The following KANK2 variants were observed in gnomAD, a reference collection of about 807,000 sequenced individuals.
KANK2 encodes KN motif and ankyrin repeat domains 2.
A neutral mutation model predicts 74.6 loss-of-function variants in KANK2; 41 were observed. That is an observed-to-expected ratio of 0.55 (90% CI 0.43 to 0.71). The LOEUF (loss-of-function observed/expected upper bound fraction) is 0.71. KANK2 is among the 30% of genes least tolerant of loss of function. KANK2 has a pLI of 0.00. For missense variants in KANK2, 1,148 were observed against 1,196.4 expected, an observed-to-expected ratio of 0.96 and a Z score of 0.60; for synonymous variants, 537 against 519.0, an observed-to-expected ratio of 1.03 and a Z score of -0.47.
At chr19:11,174,753 C>T (rs542745599) in intron 8 of KANK2, 61 bp from the exon 9 acceptor site, 48 of 1,351,686 alleles carry the variant, frequency 3.6e-5, no homozygotes, top group Middle Eastern at 2.5e-4. Context: ...GGACACCCCC[C>T]ACCCCAGATG....
chr19:11,174,719 T>A (rs748619961), intron 8 of KANK2, 27 bp from the exon 9 acceptor site: 3 of 1,550,538 alleles, frequency 1.9e-6, no homozygotes, highest in Non-Finnish European at 2.6e-6. Context: ...TGGGAGAGGA[T>A]GTGAGGGCGG....
In KANK2 at chr19:11,176,765, CGTT is replaced by C. The variant is rs756445498; in HGVS notation, c.1570_1572del (p.Asn524del). The C allele has an allele frequency of 9.4e-6, 15 of 1,599,044 alleles. No individual in the cohort carries two copies. Among genetic ancestry groups the C allele is most frequent in the African/African-American group, 1.3e-5 (1 of 74,630 alleles). On this transcript the variant is annotated inframe_deletion, in exon 7 of 13. Coordinates refer to ENST00000586659, the MANE Select transcript of KANK2 (RefSeq NM_001136191.3). ...TCTGGGGCCTCGTTCTCTGTGCTGTCGTTGTCTGAGATGTTCTCTGCTGTGCTG... is the reference window on the plus strand; with the variant it reads ...TCTGGGGCCTCGTTCTCTGTGCTGTCGTCTGAGATGTTCTCTGCTGTGCTG...
At chr19:11,194,335 G>T in intron 3 of KANK2, 140 bp downstream of exon 3, 1 of 707,740 alleles carries the variant, frequency 1.4e-6, no homozygotes, top group East Asian at 2.7e-5. Flanking sequence ...TCCCAGGGCA[G>T]GACTCTGCCT....
intron 10 of KANK2, among the ~76,000 whole-genome samples, chr19:11,171,747 C>T (rs1291257068): frequency 4.0e-5 from 6 of 151,132 alleles, no homozygotes; most frequent in Admixed American, 6.6e-5. Flanking sequence ...GGTGCGATCT[C>T]GGCTCACTGC....
chr19:11,194,205 TC>T (rs1441478428), intron 3 of KANK2, among the ~76,000 whole-genome samples, 163 bp from the exon 4 acceptor site: 3 of 151,972 alleles, frequency 2.0e-5, no homozygotes, highest in Non-Finnish European at 4.4e-5. Flanking sequence ...GGGCTATGCC[TC>T]CCCTTCAGAC....
intron 4 of KANK2, among the ~76,000 whole-genome samples, chr19:11,187,996 A>G (rs1033381184): frequency 1.3e-5 from 2 of 152,168 alleles, no homozygotes; most frequent in African/African-American, 4.8e-5. Flanking sequence ...AAAAGAACTG[A>G]GGCAGAGTTG....
rs201236788 is a variant in KANK2 at position 11,174,452 on chromosome 19, C to T, written c.2068+21G>A. 4.6e-5 allele frequency: 72 copies of T among 1,579,240 alleles called. No homozygotes were observed. In the East Asian group the frequency reaches 8.6e-4, roughly 19 times the overall value. On this transcript the variant is annotated intron_variant, in intron 9 of 12. Coordinates refer to ENST00000586659, the MANE Select transcript of KANK2 (RefSeq NM_001136191.3). ...ACAGCTGGCTGGTTTAGAGCCGCCTCGTCCTCCCCGCTGGGCTCACCGCTG... is the reference window on the plus strand; with the variant it reads ...ACAGCTGGCTGGTTTAGAGCCGCCTTGTCCTCCCCGCTGGGCTCACCGCTG...
Position 11,178,601 on chromosome 19 carries a change from G to A in KANK2, c.1369C>T (p.Pro457Ser), listed in dbSNP as rs376385754. 70 of 1,603,122 alleles carry A rather than the reference G, an allele frequency of 4.4e-5. No homozygotes were observed. The South Asian group carries it at 4.9e-4, about 11-fold the overall frequency. Residue 457 changes from proline (P) to serine (S), a missense_variant, in exon 5 of 13, where the codon CCC (proline) becomes TCC (serine). Coordinates refer to ENST00000586659, the MANE Select transcript of KANK2 (RefSeq NM_001136191.3). The stretch of plus-strand genomic sequence containing the variant: ...TCTTGGGAGGCTGCTTGCCTGGTGG[G>A]CTCCCTGTGGGTGGGCTCCTGGGTG... ...VPTQEPTHREPTRQAASQESE... is the reference protein window; with the variant it reads ...VPTQEPTHRESTRQAASQESE...
chr19:11,192,956 C>G lies in KANK2; in HGVS notation c.1124G>C (p.Ser375Thr). The stretch of plus-strand genomic sequence containing the variant: ...CTCCTGGCTGCGGAACACAGGTGGG[C>G]TCTCAGGCCTACCAGGCATTGCCAG... ...RALAMPGRPE[S>T]PPVFRSQEVV... is the part of the protein sequence containing the mutation. Residue 375 changes from serine (S) to threonine (T), a missense_variant, in exon 4 of 13, where the codon AGC (serine) becomes ACC (threonine). Transcript: ENST00000586659. The G allele has an allele frequency of 6.2e-7, 1 of 1,614,158 alleles. No homozygotes were observed. Among genetic ancestry groups the G allele is most frequent in the Non-Finnish European group, 8.5e-7 (1 of 1,180,018 alleles).
chr19:11,179,018 G>A (rs1282442238), intron 4 of KANK2, among the ~76,000 whole-genome samples: 2 of 151,994 alleles, frequency 1.3e-5, no homozygotes, highest in East Asian at 1.9e-4. Context: ...CTGAGTGATC[G>A]CTAAAAATAA....
rs375015149 is a variant in KANK2 at position 11,194,061 on chromosome 19, C to T, written c.38-19G>A. ...GGGGTCCCTGGGGATGGGAGAAACA[C>T]CAGGACCTTTGAATCCTCTTGTCCC... On this transcript the variant is annotated intron_variant, in intron 3 of 12. Transcript: ENST00000586659. 329 of 1,582,512 alleles carry T rather than the reference C, an allele frequency of 2.1e-4. 2 individuals carry two copies. Among genetic ancestry groups the T allele is most frequent in the Middle Eastern group, 1.9e-3 (11 of 5,828 alleles).
At position 11,170,465 on chromosome 19, in the gene KANK2, A is replaced by G; in HGVS notation, c.2212-217T>C. 1 of 586,746 alleles carries G rather than the reference A, an allele frequency of 1.7e-6. No individual in the cohort carries two copies. The highest frequency in any genetic ancestry group is 3.0e-6 in the Non-Finnish European group (1 of 328,222). The allele number at this position is 586,746 out of a possible 1,614,324, so 36.3% of individuals were successfully genotyped here. ...TGAGTGGTTGCCAGAGGCTGGGAGA[A>G]GCGGGGGCGGAGGAAATGATGGATA... On this transcript the variant is annotated intron_variant, in intron 10 of 12. Coordinates refer to ENST00000586659, the MANE Select transcript of KANK2 (RefSeq NM_001136191.3). The surrounding 1 kb of genome is among the most constrained non-coding windows in gnomAD (Gnocchi z 5.2).
chr19:11,186,030 C>CA lies in KANK2; in HGVS notation c.1249+6800dup, dbSNP rs199874362. Among the ~76,000 whole-genome samples the CA allele has an allele frequency of 9.1e-3, 1,376 of 151,838 alleles. 10 individuals carry two copies. The highest frequency in any genetic ancestry group is 0.015 in the Non-Finnish European group (1,031 of 67,934). On this transcript the variant is annotated intron_variant, in intron 4 of 12. Coordinates refer to ENST00000586659, the MANE Select transcript of KANK2 (RefSeq NM_001136191.3). The stretch of plus-strand genomic sequence containing the variant: ...TGGGTGACACAATGAGACCCTGTCT[C>CA]AAAAAACAAACAAAACAATGAGGAG...
chr19:11,176,886 G>A (rs2078358063), intron 6 of KANK2, 69 bp from the exon 7 acceptor site: 1 of 1,474,718 alleles, frequency 6.8e-7, no homozygotes, highest in Non-Finnish European at 9.0e-7. Context: ...AAGGAAGGCA[G>A]GGATCTGGTG....
chr19:11,168,801 G>A (rs1444103411), intron 12 of KANK2, among the ~76,000 whole-genome samples: 2 of 152,144 alleles, frequency 1.3e-5, no homozygotes, highest in Non-Finnish European at 2.9e-5. Flanking sequence ...CAGCCTCTCT[G>A]TGACTAATTT....
In KANK2 at chr19:11,176,654, A is replaced by G. The variant is rs755239473; in HGVS notation, c.1684T>C (p.Cys562Arg). 6 of 1,612,408 alleles carry G rather than the reference A, an allele frequency of 3.7e-6. No individual in the cohort carries two copies. In the African/African-American group the frequency reaches 8.0e-5, roughly 22 times the overall value. ...TAAAKTSRQE[C>R]QLSRESQHIP... ...TGCTGAGATTCTCGAGACAGCTGAC[A>G]CTCCTGCCGGCTGGTCTTGGCCGCT... The change falls in exon 7 of 13, where the codon TGT becomes CGT. Residue 562 changes from cysteine (C) to arginine (R), a missense_variant. Transcript: ENST00000586659.
intron 4 of KANK2, among the ~76,000 whole-genome samples, chr19:11,182,659 C>T (rs962229267): frequency 1.3e-5 from 2 of 151,338 alleles, no homozygotes; most frequent in Non-Finnish European, 2.9e-5. Context: ...CTGGCTAACA[C>T]GGTGAAACCC....
At chr19:11,181,407 C>T (rs74180173) in intron 4 of KANK2, among the ~76,000 whole-genome samples, 9,944 of 151,612 alleles carry the variant, frequency 0.066, 374 homozygotes, top group Admixed American at 0.09. Context: ...CCACCATGCC[C>T]GGCTAATTTT....
In KANK2 at chr19:11,175,865, G is replaced by A. The variant is rs189923555; in HGVS notation, c.1848+37C>T. On this transcript the variant is annotated intron_variant, in intron 8 of 12. Transcript: ENST00000586659. ...ACGGGTGGGGTGGAGGTAGGGGTCC[G>A]GGGGGTGGCCAACCTAGGCCCAGGG... is the stretch of plus-strand genomic sequence containing the variant. 1,817 of 1,532,638 alleles carry A rather than the reference G, an allele frequency of 1.2e-3. 17 individuals are homozygous for A. In the East Asian group the frequency reaches 0.014, roughly 12 times the overall value. 94.9% of individuals were successfully genotyped at this position (1,532,638 alleles called of 1,614,324 possible).
Sources: gnomAD v4.1 joint callset for allele counts (sites outside exome capture counted in the v4.1 genomes callset) on GRCh38, gnomAD v4.1.1 for gene constraint, Gnocchi (gnomAD v3.1) non-coding constraint, MANE v1.5 for transcripts, NCBI Gene and HGNC (gene_info 2026-07-23, HGNC 2026-07-21) for gene names.